Variants in LRRC4C observed in about 807,000 individuals in gnomAD.
The protein encoded by LRRC4C is leucine-rich repeat-containing protein 4C.
A neutral mutation model predicts 33.6 loss-of-function variants in LRRC4C; 5 were observed. The observed-to-expected ratio is 0.15, with a 90% CI of 0.08 to 0.31. LRRC4C has a LOEUF of 0.31. LRRC4C is among the 10% of genes least tolerant of loss of function. The pLI is 1.00. For synonymous variants in LRRC4C, 329 were observed against 302.0 expected (o/e 1.09, Z -0.93); for missense variants, 560 against 796.7 (o/e 0.70, Z 3.58).
At chr11:40,872,199 T>C (rs1407391647) in intron 2 of LRRC4C, among the ~76,000 whole-genome samples, 1 of 151,964 alleles carries the variant, frequency 6.6e-6, no homozygotes, top group African/African-American at 2.4e-5. Flanking sequence ...CATGTCCAGC[T>C]CCCCTTCATT....
At chr11:41,118,398 A>T (rs1025537850) in intron 1 of LRRC4C, among the ~76,000 whole-genome samples, 14 of 152,318 alleles carry the variant, frequency 9.2e-5, no homozygotes, top group African/African-American at 3.1e-4. Context: ...AGTTGAAAGC[A>T]GGAAGGTGGG....
intron 5 of LRRC4C, among the ~76,000 whole-genome samples, chr11:40,175,581 C>T (rs889654737): frequency 1.3e-5 from 2 of 152,194 alleles, no homozygotes; most frequent in Non-Finnish European, 2.9e-5. Flanking sequence ...AGAGTGATGG[C>T]AGTTCCTCAT....
chr11:41,407,047 G>A (rs1396681882), intron 1 of LRRC4C, among the ~76,000 whole-genome samples: 1 of 152,074 alleles, frequency 6.6e-6, no homozygotes, highest in African/African-American at 2.4e-5. Context: ...AATATACATT[G>A]TCAATCAATC....
intron 3 of LRRC4C, among the ~76,000 whole-genome samples, chr11:40,626,107 T>C (rs1962903338): frequency 6.6e-6 from 1 of 152,144 alleles, no homozygotes; most frequent in Admixed American, 6.5e-5. Context: ...CCCCATATTT[T>C]CTCTGAACTC....
intron 1 of LRRC4C, among the ~76,000 whole-genome samples, chr11:41,023,614 G>A (rs1340861095): frequency 6.6e-6 from 1 of 151,742 alleles, no homozygotes; most frequent in Non-Finnish European, 1.5e-5. Flanking sequence ...TAAGGTGGGA[G>A]AAGAGAGCCA....
chr11:40,655,534 G>A (rs1449749972), intron 2 of LRRC4C, among the ~76,000 whole-genome samples: 1 of 152,144 alleles, frequency 6.6e-6, no homozygotes, highest in Non-Finnish European at 1.5e-5. Context: ...AGATCTTGGT[G>A]GTAAAAGTTT....
In LRRC4C at chr11:40,518,104, T is replaced by G. The variant is rs532923885; in HGVS notation, c.-270+130038A>C. On this transcript the variant is annotated intron_variant, in intron 3 of 6. Coordinates refer to ENST00000528697, the MANE Select transcript of LRRC4C (RefSeq NM_001258419.2). ...CCCTTCCTTACACCTTATACAAAAATTAACTCAAGGTGGATTAAAGACTTA... is the reference window on the plus strand; with the variant it reads ...CCCTTCCTTACACCTTATACAAAAAGTAACTCAAGGTGGATTAAAGACTTA... 8.5e-5 allele frequency among the ~76,000 whole-genome samples: 13 copies of G among 152,154 alleles called. 1 individual carries two copies. In the East Asian group the frequency reaches 2.5e-3, roughly 29 times the overall value.
chr11:40,555,681 G>T (rs115017258), intron 3 of LRRC4C, among the ~76,000 whole-genome samples: 1 of 152,050 alleles, frequency 6.6e-6, no homozygotes, highest in Non-Finnish European at 1.5e-5. Context: ...TAACACTAAC[G>T]ATAGCTGATG....
intron 1 of LRRC4C, among the ~76,000 whole-genome samples, chr11:41,217,795 G>A (rs1296970598): frequency 6.6e-6 from 1 of 151,968 alleles, no homozygotes; most frequent in Non-Finnish European, 1.5e-5. Flanking sequence ...TCATTACAAT[G>A]CAATAAATTG....
chr11:40,236,150 C>G (rs1869185), intron 5 of LRRC4C, among the ~76,000 whole-genome samples: 115,921 of 151,774 alleles, frequency 0.76, 48,613 homozygotes, highest in East Asian at 0.96. Flanking sequence ...GCTCTAAGAC[C>G]CAGATTTGGT....
chr11:40,488,351 A>G (rs776530003), intron 3 of LRRC4C, among the ~76,000 whole-genome samples: 12 of 152,022 alleles, frequency 7.9e-5, no homozygotes, highest in Non-Finnish European at 1.8e-4. Context: ...TTTGTAACTT[A>G]TAGAGCAGAG....
At chr11:40,696,570 A>G (rs915106145) in intron 2 of LRRC4C, among the ~76,000 whole-genome samples, 9 of 149,242 alleles carry the variant, frequency 6.0e-5, no homozygotes, top group African/African-American at 2.0e-4. Flanking sequence ...CCATGGCTAT[A>G]CAGAAACATT....
intron 1 of LRRC4C, among the ~76,000 whole-genome samples, chr11:41,054,555 AT>A (rs1296965869): frequency 6.6e-6 from 1 of 152,256 alleles, no homozygotes; most frequent in Non-Finnish European, 1.5e-5. Flanking sequence ...GAAAAGCAAC[AT>A]AAGTACTTTG....
intron 2 of LRRC4C, among the ~76,000 whole-genome samples, chr11:40,718,791 TCTTA>T (rs1369707206): frequency 6.6e-6 from 1 of 152,190 alleles, no homozygotes; most frequent in Admixed American, 6.5e-5. Flanking sequence ...TACAGACATC[TCTTA>T]CTTTCTTTTA....
intron 1 of LRRC4C, among the ~76,000 whole-genome samples, chr11:41,439,218 C>T (rs1378984113): frequency 6.6e-6 from 1 of 152,104 alleles, no homozygotes; most frequent in Non-Finnish European, 1.5e-5. Context: ...TTTATTCTTT[C>T]TTATGGCTGA....
chr11:40,469,780 G>C (rs1031567856), intron 3 of LRRC4C, among the ~76,000 whole-genome samples: 1 of 152,164 alleles, frequency 6.6e-6, no homozygotes, highest in African/African-American at 2.4e-5. Flanking sequence ...TTTGAACTGG[G>C]TGGAGCCCAC....
At chr11:40,377,537 G>C (rs142725379) in intron 3 of LRRC4C, among the ~76,000 whole-genome samples, 2 of 152,048 alleles carry the variant, frequency 1.3e-5, no homozygotes, top group African/African-American at 4.8e-5. Context: ...TTTGGGGAAG[G>C]TGGAAAATGA....
intron 1 of LRRC4C, among the ~76,000 whole-genome samples, chr11:41,316,022 T>C (rs1218443526): frequency 1.3e-5 from 2 of 152,028 alleles, no homozygotes; most frequent in Admixed American, 6.6e-5. Context: ...TAGAATTTTG[T>C]TATGGGACCT....
At chr11:40,279,343 A>G (rs1943320140) in intron 4 of LRRC4C, among the ~76,000 whole-genome samples, 2 of 152,150 alleles carry the variant, frequency 1.3e-5, no homozygotes, top group Non-Finnish European at 2.9e-5. Flanking sequence ...TGATCTCATC[A>G]ATTCTACTTT....
Sources: allele counts gnomAD v4.1 joint callset (sites outside exome capture counted in the v4.1 genomes callset), GRCh38; gene constraint gnomAD v4.1.1; transcripts MANE v1.5; gene names NCBI Gene and HGNC (gene_info 2026-07-23, HGNC 2026-07-21).